The following COL6A6 variants were observed in gnomAD, a reference collection of about 807,000 sequenced individuals.
COL6A6 encodes the protein collagen alpha-6(VI) chain.
COL6A6 carries 183 observed loss-of-function variants against 208.6 expected under a neutral mutation model. That is an observed-to-expected ratio of 0.88 (90% CI 0.78 to 0.99). The LOEUF (loss-of-function observed/expected upper bound fraction) is 0.99. COL6A6 is among the 50% of genes least tolerant of loss of function. The pLI, the probability that COL6A6 is intolerant of heterozygous loss-of-function variation, is 0.00. For missense variants in COL6A6, 2,816 were observed against 2,815.2 expected (o/e 1.00, Z -0.01); for synonymous variants, 973 against 1,011.8 (o/e 0.96, Z 0.73).
At chr3:130,610,736 A>G in intron 23 of COL6A6, 25 bp downstream of exon 23, 5 of 1,524,988 alleles carry the variant, frequency 3.3e-6, no homozygotes, top group South Asian at 1.2e-5. Context: ...AAATGATTGC[A>G]TCTGACTTTG....
chr3:130,665,220 A>G (rs1366857890), intron 36 of COL6A6, 124 bp downstream of exon 36: 2 of 596,404 alleles, frequency 3.4e-6, no homozygotes, highest in South Asian at 2.3e-5. Context: ...CTATTGCTAC[A>G]TGATATTAAA....
chr3:130,548,870 G>C (rs1393160629), intron 1 of COL6A6, among the ~76,000 whole-genome samples: 2 of 152,184 alleles, frequency 1.3e-5, no homozygotes, highest in Non-Finnish European at 2.9e-5. Context: ...TTGCCTGTTA[G>C]TCTCTCCAAT....
chr3:130,622,924 A>T (rs2064778720), intron 24 of COL6A6, among the ~76,000 whole-genome samples: 1 of 151,710 alleles, frequency 6.6e-6, no homozygotes, highest in South Asian at 2.1e-4. Flanking sequence ...AGAGAAGGGA[A>T]TGGGGGGACT....
rs547823585 is a variant in COL6A6, at chr3:130,526,609, G to A, written c.-32+9212G>A. ...GTAGTTCCGCCAAGAAGTGATGGTGGCAGTGATGTGGTTTGCAGCTGGTGC... is the reference window on the plus strand; with the variant it reads ...GTAGTTCCGCCAAGAAGTGATGGTGACAGTGATGTGGTTTGCAGCTGGTGC... On this transcript the variant is annotated intron_variant, in intron 1 of 36. Coordinates refer to ENST00000358511, the MANE Select transcript of COL6A6 (RefSeq NM_001102608.3). Among the ~76,000 whole-genome samples, 4 of 152,302 alleles carry A rather than the reference G, an allele frequency of 2.6e-5. No individual in the cohort carries two copies. The East Asian group carries it at 7.7e-4, about 29-fold the overall frequency.
At chr3:130,671,339 G>C (rs927194618) in intron 36 of COL6A6, among the ~76,000 whole-genome samples, 6 of 152,160 alleles carry the variant, frequency 3.9e-5, no homozygotes, top group African/African-American at 7.2e-5. Context: ...AGTGGGAAGA[G>C]GGGATCCACA....
At chr3:130,537,219 T>C (rs912387008) in intron 1 of COL6A6, among the ~76,000 whole-genome samples, 33 of 152,214 alleles carry the variant, frequency 2.2e-4, no homozygotes, top group African/African-American at 8.0e-4. Context: ...ATTGATTAGT[T>C]TGTTCTAGCT....
In COL6A6 at chr3:130,638,453, T is replaced by A. The variant is rs559287680; in HGVS notation, c.5091+2692T>A. On this transcript the variant is annotated intron_variant, in intron 28 of 36. Transcript: ENST00000358511. ...CTGACCCACCTGATGGAGGTTCGTCTGTGGCTGGTGCCCAGCTGCCATACT... is the reference window on the plus strand; with the variant it reads ...CTGACCCACCTGATGGAGGTTCGTCAGTGGCTGGTGCCCAGCTGCCATACT... Among the ~76,000 whole-genome samples, 6 of 152,314 alleles carry A rather than the reference T, an allele frequency of 3.9e-5. 1 individual carries two copies. The East Asian group carries it at 1.2e-3, about 29-fold the overall frequency.
intron 3 of COL6A6, 85 bp from the exon 4 acceptor site, chr3:130,564,909 C>A: frequency 6.9e-7 from 1 of 1,454,020 alleles, no homozygotes; most frequent in Non-Finnish European, 9.4e-7. Flanking sequence ...CTGAGCTCTG[C>A]TGTATGGTCT....
Position 130,582,085 on chromosome 3 carries a change from A to G in COL6A6, c.3970+17A>G. 1 of 1,475,944 alleles carries G rather than the reference A, an allele frequency of 6.8e-7. No homozygotes were observed. Among genetic ancestry groups the G allele is most frequent in the Non-Finnish European group, 9.3e-7 (1 of 1,071,280 alleles). 91.4% of individuals were successfully genotyped at this position (1,475,944 alleles called of 1,614,324 possible). A position where few individuals can be genotyped will look rare whatever the true frequency, so the allele number is the denominator to read the frequency against. ...GAAAAGAAGGTACTGAGTATGGAGA[A>G]GTGGGAAGGGAGTGCTTATTAACTT... On this transcript the variant is annotated intron_variant, in intron 10 of 36. Transcript: ENST00000358511.
At position 130,563,128 on chromosome 3, in the gene COL6A6, C is replaced by A. The variant is rs2062932294; in HGVS notation, c.125C>A (p.Ser42Tyr). The change falls in exon 3 of 37, where the codon TCC becomes TAC. Residue 42 changes from serine to tyrosine, a missense_variant. Ser to Tyr is a moderately radical substitution (Grantham distance 144, BLOSUM62 -2). Coordinates refer to ENST00000358511, the MANE Select transcript of COL6A6 (RefSeq NM_001102608.3). Reference protein sequence around the residue: ...VDSSDRLGSKSFPFVKMFITK... With the variant: ...VDSSDRLGSKYFPFVKMFITK... Reference sequence around the variant, plus strand: ...AGCTCTGATCGCCTGGGATCCAAGTCCTTCCCATTTGTGAAAATGTTCATC... The same window carrying A: ...AGCTCTGATCGCCTGGGATCCAAGTACTTCCCATTTGTGAAAATGTTCATC... The A allele has an allele frequency of 1.9e-6, 3 of 1,613,966 alleles. No homozygotes were observed. The East Asian group carries it at 6.7e-5, about 36-fold the overall frequency.
At chr3:130,658,509 G>A (rs931365831) in intron 33 of COL6A6, among the ~76,000 whole-genome samples, 167 bp from the exon 34 acceptor site, 1 of 152,136 alleles carries the variant, frequency 6.6e-6, no homozygotes, top group African/African-American at 2.4e-5. Flanking sequence ...GAGAGTCAAG[G>A]TTTAAACCCA....
chr3:130,589,873 G>T lies in COL6A6; in HGVS notation c.4218+691G>T, dbSNP rs186249663. ...GTTTGTTTACATGTGTTTTATTTTT[G>T]AATAATTTATAGATAGCACTGTAAC... is the stretch of plus-strand genomic sequence containing the variant. On this transcript the variant is annotated intron_variant, in intron 12 of 36. Coordinates refer to ENST00000358511, the MANE Select transcript of COL6A6 (RefSeq NM_001102608.3). 2.7e-5 allele frequency: 8 copies of T among 293,004 alleles called. 1 individual carries two copies. The East Asian group carries it at 7.0e-4, about 26-fold the overall frequency. 18.2% of individuals were successfully genotyped at this position (293,004 alleles called of 1,614,324 possible).
intron 34 of COL6A6, among the ~76,000 whole-genome samples, chr3:130,659,996 G>A (rs1194840845): frequency 6.6e-6 from 1 of 152,172 alleles, no homozygotes; most frequent in Non-Finnish European, 1.5e-5. Flanking sequence ...AACAGTTAAA[G>A]TGCTTTACAT....
At chr3:130,609,686 A>G (rs927607264) in intron 22 of COL6A6, among the ~76,000 whole-genome samples, 5 of 152,222 alleles carry the variant, frequency 3.3e-5, no homozygotes, top group Non-Finnish European at 7.4e-5. Flanking sequence ...AAGCTTGAGG[A>G]ATAAGTGTTC....
At chr3:130,533,337 C>T (rs2062151461) in intron 1 of COL6A6, among the ~76,000 whole-genome samples, 1 of 151,682 alleles carries the variant, frequency 6.6e-6, no homozygotes, top group Non-Finnish European at 1.5e-5. Flanking sequence ...ATCACTTCGT[C>T]ACCTCCTTGC....
chr3:130,658,813 A>G (rs771847806), intron 34 of COL6A6, 41 bp downstream of exon 34: 11 of 1,424,700 alleles, frequency 7.7e-6, no homozygotes, highest in Non-Finnish European at 9.8e-6. Context: ...CAGGCCTATT[A>G]AGCATGATGA....
chr3:130,597,740 T>C (rs1460635173), intron 18 of COL6A6, among the ~76,000 whole-genome samples: 2 of 152,080 alleles, frequency 1.3e-5, no homozygotes, highest in East Asian at 1.9e-4. Flanking sequence ...TCCCGGGAAA[T>C]AGTTGCATGA....
chr3:130,663,975 C>T (rs538919609), intron 35 of COL6A6, among the ~76,000 whole-genome samples: 1 of 152,326 alleles, frequency 6.6e-6, no homozygotes, highest in East Asian at 1.9e-4. Flanking sequence ...TGTACTAACG[C>T]ATTCAACATT....
intron 1 of COL6A6, among the ~76,000 whole-genome samples, chr3:130,532,818 T>C (rs1056488938): frequency 2.0e-5 from 3 of 152,214 alleles, no homozygotes; most frequent in African/African-American, 2.4e-5. Flanking sequence ...GAGTCATCAC[T>C]ATGTTTTCAG....
Sources: allele counts gnomAD v4.1 joint callset (sites outside exome capture counted in the v4.1 genomes callset), GRCh38; gene constraint gnomAD v4.1.1; transcripts MANE v1.5; gene names NCBI Gene and HGNC (gene_info 2026-07-23, HGNC 2026-07-21).